ABCC9: variants seen among roughly 807,000 people sequenced by gnomAD.
ABCC9 encodes the protein ATP binding cassette subfamily C member 9.
ABCC9 carries 95 observed loss-of-function variants against 188.3 expected under a neutral mutation model. The observed-to-expected ratio is 0.50, with a 90% CI of 0.43 to 0.60. The LOEUF is 0.60. Ranked by LOEUF, ABCC9 falls within the 20% of genes least tolerant of loss-of-function variation. The probability of loss-of-function intolerance (pLI) is 0.00; values close to 1 mark genes in which losing one functional copy is unlikely to be tolerated. For synonymous variants in ABCC9, 659 were observed against 652.7 expected, an observed-to-expected ratio of 1.01 and a Z score of -0.15; for missense variants, 1,102 against 1,876.3, an observed-to-expected ratio of 0.59 and a Z score of 7.62.
Position 21,797,472 on chromosome 12 carries a change from G to A in ABCC9, c.*3572C>T, listed in dbSNP as rs535871170. ...ATTGTAGAGAATAAACACATTTATT[G>A]TAGAGAACAAATACATTTTATATAT... On this transcript the variant is annotated 3_prime_UTR_variant, in exon 40 of 40. Coordinates refer to ENST00000261200, the MANE Select transcript of ABCC9 (RefSeq NM_020297.4). 1.3e-5 allele frequency: 2 copies of A among 152,164 alleles called. No individual in the cohort carries two copies. The highest frequency in any genetic ancestry group is 4.8e-5 in the African/African-American group (2 of 41,440). 9.4% of individuals were successfully genotyped at this position (152,164 alleles called of 1,614,324 possible). A position where few individuals can be genotyped will look rare whatever the true frequency, so the allele number is the denominator to read the frequency against.
At chr12:21,861,437 G>T (rs148394552) in intron 20 of ABCC9, among the ~76,000 whole-genome samples, 111 of 152,150 alleles carry the variant, frequency 7.3e-4, no homozygotes, top group South Asian at 1.2e-3. Flanking sequence ...TCACCATGTT[G>T]CCCAGGGTGG....
intron 30 of ABCC9, among the ~76,000 whole-genome samples, chr12:21,832,568 A>G (rs1290842416): frequency 1.3e-5 from 2 of 152,170 alleles, no homozygotes; most frequent in Non-Finnish European, 2.9e-5. Context: ...AAGTAAAACC[A>G]CAATGAGACA....
chr12:21,878,361 T>C (rs553692211), intron 16 of ABCC9, among the ~76,000 whole-genome samples: 1 of 152,300 alleles, frequency 6.6e-6, no homozygotes, highest in African/African-American at 2.4e-5. Context: ...TGATGAAGAA[T>C]GCTAAAAATC....
chr12:21,939,436 C>T (rs1422614792), intron 2 of ABCC9, among the ~76,000 whole-genome samples: 1 of 152,196 alleles, frequency 6.6e-6, no homozygotes, highest in Non-Finnish European at 1.5e-5. Context: ...TTATCAAAGG[C>T]ATTTTATTCA....
chr12:21,911,636 G>C (rs896170308), intron 8 of ABCC9, among the ~76,000 whole-genome samples: 5 of 151,902 alleles, frequency 3.3e-5, no homozygotes, highest in Non-Finnish European at 7.4e-5. Context: ...GATAACATTT[G>C]ACTAAGTACA....
At chr12:21,903,280 C>G (rs550387744) in intron 12 of ABCC9, among the ~76,000 whole-genome samples, 1 of 152,228 alleles carries the variant, frequency 6.6e-6, no homozygotes, top group South Asian at 2.1e-4. Flanking sequence ...GGACGTATCT[C>G]AAAATAATAA....
intron 31 of ABCC9, among the ~76,000 whole-genome samples, chr12:21,826,571 C>T (rs1282700087): frequency 2.0e-5 from 3 of 152,170 alleles, no homozygotes; most frequent in Non-Finnish European, 2.9e-5. Flanking sequence ...TATTTAAATA[C>T]ACCTGGTTCC....
rs1947475810 is a variant in ABCC9, at chr12:21,897,308, G to A, written c.1619-1993C>T. ...TTGTTTAAGTTCCTTGTAGATTCTG[G>A]ATATTAGACAATTTTCAGATGGATA... On this transcript the variant is annotated intron_variant, in intron 12 of 39. Transcript: ENST00000261200. 2.0e-5 allele frequency among the ~76,000 whole-genome samples: 3 copies of A among 152,190 alleles called. No individual in the cohort carries two copies. The South Asian group carries it at 6.2e-4, about 32-fold the overall frequency.
chr12:21,915,286 G>GTATATATATACATGTGTA (rs71053355), intron 7 of ABCC9, among the ~76,000 whole-genome samples: 1 of 129,118 alleles, frequency 7.7e-6, no homozygotes, highest in South Asian at 2.5e-4. Flanking sequence ...ATATATGTGT[G>GTATATATATACATGTGTA]TATATATACA....
chr12:21,932,653 T>A (rs1949335510), intron 4 of ABCC9, among the ~76,000 whole-genome samples: 1 of 151,968 alleles, frequency 6.6e-6, no homozygotes, highest in South Asian at 2.1e-4. Context: ...ACATCCTTGA[T>A]CATTAGAGAA....
intron 12 of ABCC9, among the ~76,000 whole-genome samples, chr12:21,899,494 A>G (rs559215030): frequency 6.6e-6 from 1 of 152,238 alleles, no homozygotes; most frequent in South Asian, 2.1e-4. Context: ...ACCGAGCATG[A>G]GCCAAAGCAG....
intron 5 of ABCC9, chr12:21,924,005 A>G (rs1030996557): frequency 1.9e-6 from 1 of 539,730 alleles, no homozygotes; most frequent in Non-Finnish European, 3.3e-6. Flanking sequence ...GCCTTACTTA[A>G]AAGTCTATAC....
rs113783657 is a variant in ABCC9 at position 21,936,725 on chromosome 12, C to T, written c.-20-31G>A. 4.8e-5 allele frequency: 72 copies of T among 1,504,756 alleles called. No homozygotes were observed. The African/African-American group carries it at 7.3e-4, about 15-fold the overall frequency. 93.2% of individuals were successfully genotyped at this position (1,504,756 alleles called of 1,614,324 possible). On this transcript the variant is annotated intron_variant, in intron 2 of 39. Transcript: ENST00000261200. ...AGGGAGAGAAATGAGAAAGAAAAAT[C>T]CTCTTATTAGTAAACTCTTGTTCAT...
At chr12:21,852,255 G>A (rs1385437664) in intron 23 of ABCC9, 33 bp from the exon 24 acceptor site, 10 of 1,613,510 alleles carry the variant, frequency 6.2e-6, no homozygotes, top group South Asian at 2.2e-5. Context: ...GAAATGTGAC[G>A]AAAAGCCTTG....
chr12:21,821,912 G>A (rs952893506), intron 31 of ABCC9, among the ~76,000 whole-genome samples: 1 of 151,990 alleles, frequency 6.6e-6, no homozygotes, highest in African/African-American at 2.4e-5. Context: ...CGTGGTTAAT[G>A]TTTTCAAAAC....
At chr12:21,855,723 A>G (rs1945194383) in intron 22 of ABCC9, among the ~76,000 whole-genome samples, 1 of 152,218 alleles carries the variant, frequency 6.6e-6, no homozygotes, top group Non-Finnish European at 1.5e-5. Flanking sequence ...GCAACAAAAT[A>G]ATGTAGTCAA....
At chr12:21,876,319 C>G (rs1263647145) in intron 16 of ABCC9, among the ~76,000 whole-genome samples, 1 of 151,622 alleles carries the variant, frequency 6.6e-6, no homozygotes, top group Admixed American at 6.6e-5. Flanking sequence ...AATGAAATCT[C>G]TACATTAATT....
At chr12:21,887,965 T>C in intron 14 of ABCC9, 31 bp from the exon 15 acceptor site, 9 of 1,531,820 alleles carry the variant, frequency 5.9e-6, no homozygotes, top group Non-Finnish European at 8.1e-6. Flanking sequence ...AGAATAAGAG[T>C]TAACAATAAA....
Position 21,936,518 on chromosome 12 carries a change from T to C in ABCC9, c.142+15A>G, listed in dbSNP as rs1299799505. 1.9e-6 allele frequency: 3 copies of C among 1,600,672 alleles called. No individual in the cohort carries two copies. The African/African-American group carries it at 4.1e-5, about 22-fold the overall frequency. ...AAACATCAAATGGTATAACATAAGATACTAGATTACTTACCAATAAACAAT... is the reference window on the plus strand; with the variant it reads ...AAACATCAAATGGTATAACATAAGACACTAGATTACTTACCAATAAACAAT... On this transcript the variant is annotated intron_variant, in intron 3 of 39. Transcript: ENST00000261200.
Sources: allele counts gnomAD v4.1 joint callset (sites outside exome capture counted in the v4.1 genomes callset), GRCh38; gene constraint gnomAD v4.1.1; transcripts MANE v1.5; gene names NCBI Gene and HGNC (gene_info 2026-07-23, HGNC 2026-07-21).